Variants in NRG3 observed in about 807,000 individuals in gnomAD.
NRG3 encodes the protein pro-neuregulin-3, membrane-bound isoform.
A neutral mutation model predicts 66.9 loss-of-function variants in NRG3; 31 were observed. That is an observed-to-expected ratio of 0.46 (90% CI 0.35 to 0.63). The LOEUF (loss-of-function observed/expected upper bound fraction) is 0.63, where lower values mean the gene tolerates loss of function less well. Among genes scored for constraint, NRG3 ranks in the 20% least tolerant of loss-of-function variants. The pLI, the probability that NRG3 is intolerant of heterozygous loss-of-function variation, is 0.00. For missense variants in NRG3, 910 were observed against 878.9 expected, an observed-to-expected ratio of 1.04 and a Z score of -0.45; for synonymous variants, 393 against 359.4, an observed-to-expected ratio of 1.09 and a Z score of -1.06.
chr10:82,490,346 G>A (rs752849147), intron 2 of NRG3, among the ~76,000 whole-genome samples: 4 of 152,084 alleles, frequency 2.6e-5, no homozygotes, highest in Non-Finnish European at 5.9e-5. Flanking sequence ...CTCAATCGAT[G>A]ACCAATTCCC....
rs1852591707 is a variant in NRG3 at position 82,979,137 on chromosome 10, C to T, written c.1583+17C>T. The T allele has an allele frequency of 2.5e-6, 4 of 1,612,384 alleles. No individual in the cohort carries two copies. Among genetic ancestry groups the T allele is most frequent in the African/African-American group, 2.7e-5 (2 of 74,882 alleles). ...TTGCCAAGGGTAGGTCTTAAAACAG[C>T]AGTGGAATTTAGGGAGGGTGTCTTT... On this transcript the variant is annotated intron_variant, in intron 8 of 8. Coordinates refer to ENST00000372141, the MANE Select transcript of NRG3 (RefSeq NM_001010848.4).
At chr10:82,576,632 T>A (rs532779896) in intron 2 of NRG3, among the ~76,000 whole-genome samples, 2 of 151,800 alleles carry the variant, frequency 1.3e-5, no homozygotes, top group Admixed American at 1.3e-4. Flanking sequence ...TTCTTTGATA[T>A]TGTTTTGAAG....
chr10:82,141,404 C>A (rs2069776300), intron 1 of NRG3, among the ~76,000 whole-genome samples: 1 of 152,102 alleles, frequency 6.6e-6, no homozygotes, highest in Admixed American at 6.6e-5. Context: ...GAAAGTCAGC[C>A]AAAGTGCTAG....
At chr10:82,052,687 C>T (rs182360737) in intron 1 of NRG3, among the ~76,000 whole-genome samples, 208 of 152,190 alleles carry the variant, frequency 1.4e-3, no homozygotes, top group Non-Finnish European at 2.2e-3. Flanking sequence ...TAGCGTGTAG[C>T]TTAGTTCAAC....
rs1264191798 is a variant in NRG3 at position 82,479,482 on chromosome 10, T to C, written c.953+120614T>C. ...GGGAGACAGAGGTGGGCGGATCACC[T>C]GAGGTCAGGAGTTGGAGGGAAAAAA... On this transcript the variant is annotated intron_variant, in intron 2 of 8. Transcript: ENST00000372141. Among the ~76,000 whole-genome samples the C allele has an allele frequency of 6.3e-5, 8 of 127,520 alleles. No individual in the cohort carries two copies. In the Admixed American group the frequency reaches 6.7e-4, roughly 11 times the overall value. 83.7% of individuals were successfully genotyped at this position (127,520 alleles called of 152,430 possible). A position where few individuals can be genotyped will look rare whatever the true frequency, so the allele number is the denominator to read the frequency against.
At chr10:82,634,336 C>T (rs1164526317) in intron 2 of NRG3, among the ~76,000 whole-genome samples, 1 of 152,072 alleles carries the variant, frequency 6.6e-6, no homozygotes, top group Non-Finnish European at 1.5e-5. Context: ...TACATGTACA[C>T]ATGTGTTTAT....
At chr10:82,115,480 C>T (rs1446459708) in intron 1 of NRG3, among the ~76,000 whole-genome samples, 1 of 152,098 alleles carries the variant, frequency 6.6e-6, no homozygotes, top group African/African-American at 2.4e-5. Flanking sequence ...TTACAGCAGC[C>T]TTTTTTCTGA....
intron 1 of NRG3, among the ~76,000 whole-genome samples, chr10:82,002,575 C>A (rs1350197387): frequency 6.6e-6 from 1 of 152,200 alleles, no homozygotes; most frequent in Non-Finnish European, 1.5e-5. Flanking sequence ...TGTCATGGAA[C>A]ATGGTCCCAG....
At chr10:81,883,815 T>G (rs2132497269) in intron 1 of NRG3, among the ~76,000 whole-genome samples, 1 of 152,272 alleles carries the variant, frequency 6.6e-6, no homozygotes, top group Admixed American at 6.5e-5. Context: ...CATCATCAGA[T>G]TTTCTTCATT....
intron 4 of NRG3, among the ~76,000 whole-genome samples, chr10:82,896,019 A>G (rs1014638889): frequency 6.6e-6 from 1 of 152,198 alleles, no homozygotes; most frequent in Non-Finnish European, 1.5e-5. Context: ...GTCTATGAGT[A>G]TTATCTTTCC....
chr10:82,828,333 C>A (rs1412902601), intron 3 of NRG3, among the ~76,000 whole-genome samples: 1 of 152,134 alleles, frequency 6.6e-6, no homozygotes. Flanking sequence ...TTACTTCTGC[C>A]CCCTGCCTAG....
At chr10:82,149,486 T>C (rs1197614027) in intron 1 of NRG3, among the ~76,000 whole-genome samples, 1 of 152,210 alleles carries the variant, frequency 6.6e-6, no homozygotes, top group African/African-American at 2.4e-5. Flanking sequence ...TTATTGCCTG[T>C]GAGCAGTTTT....
intron 2 of NRG3, among the ~76,000 whole-genome samples, chr10:82,682,786 A>G (rs1242013299): frequency 6.6e-6 from 1 of 152,054 alleles, no homozygotes; most frequent in Non-Finnish European, 1.5e-5. Flanking sequence ...ACTCACTCCC[A>G]TATATAATCT....
intron 2 of NRG3, among the ~76,000 whole-genome samples, chr10:82,435,568 T>C (rs925369721): frequency 1.3e-5 from 2 of 152,086 alleles, no homozygotes; most frequent in African/African-American, 4.8e-5. Context: ...TTCCTAGCTT[T>C]CTAATATGGG....
intron 1 of NRG3, among the ~76,000 whole-genome samples, chr10:81,973,564 G>A (rs1013513959): frequency 1.4e-4 from 21 of 152,030 alleles, no homozygotes; most frequent in African/African-American, 5.1e-4. Flanking sequence ...AACCTTGACA[G>A]CATCTGTTAT....
At chr10:82,333,773 A>T (rs757702112) in intron 1 of NRG3, among the ~76,000 whole-genome samples, 6 of 152,136 alleles carry the variant, frequency 3.9e-5, no homozygotes, top group Non-Finnish European at 8.8e-5. Flanking sequence ...GAGTGTCCTT[A>T]TTCTCTTTTC....
chr10:82,347,872 A>G (rs879689697), intron 1 of NRG3, among the ~76,000 whole-genome samples: 2 of 151,916 alleles, frequency 1.3e-5, no homozygotes, highest in South Asian at 2.1e-4. Context: ...CTGTTTTATC[A>G]GAGACTAGGA....
intron 2 of NRG3, among the ~76,000 whole-genome samples, chr10:82,682,593 G>T (rs2054187612): frequency 6.6e-6 from 1 of 152,124 alleles, no homozygotes; most frequent in African/African-American, 2.4e-5. Flanking sequence ...TCCTTTATGG[G>T]CAACAACTGC....
At chr10:82,019,161 G>T (rs1241317281) in intron 1 of NRG3, among the ~76,000 whole-genome samples, 2 of 152,094 alleles carry the variant, frequency 1.3e-5, no homozygotes, top group Admixed American at 1.3e-4. Context: ...GTTGAATTTT[G>T]TCAGAGGCCT....
Sources: allele counts gnomAD v4.1 joint callset (sites outside exome capture counted in the v4.1 genomes callset), GRCh38; gene constraint gnomAD v4.1.1; transcripts MANE v1.5; gene names NCBI Gene and HGNC (gene_info 2026-07-23, HGNC 2026-07-21).